PITPNM2: variants seen among roughly 807,000 people sequenced by gnomAD.
PITPNM2 encodes membrane-associated phosphatidylinositol transfer protein 2.
In PITPNM2, 35 loss-of-function variants were observed where a neutral mutation model predicts 132.2. The observed-to-expected ratio is 0.26, with a 90% confidence interval of 0.20 to 0.35. The LOEUF (loss-of-function observed/expected upper bound fraction) is 0.35. Among genes scored for constraint, PITPNM2 ranks in the 10% least tolerant of loss-of-function variants. PITPNM2 has a pLI of 1.00. For missense variants in PITPNM2, 1,332 were observed against 1,912.0 expected, an observed-to-expected ratio of 0.70 and a Z score of 5.66; for synonymous variants, 738 against 799.2, an observed-to-expected ratio of 0.92 and a Z score of 1.29.
chr12:123,045,004 C>T (rs2136576928), intron 2 of PITPNM2, among the ~76,000 whole-genome samples: 1 of 152,276 alleles, frequency 6.6e-6, no homozygotes. Context: ...CAACCCATTG[C>T]ACCAATCCAC....
At chr12:123,020,740 G>A (rs1485210789) in intron 3 of PITPNM2, among the ~76,000 whole-genome samples, 2 of 152,076 alleles carry the variant, frequency 1.3e-5, no homozygotes, top group Admixed American at 6.5e-5. Context: ...AGTGGTCAGT[G>A]GGCGAGGCAC....
At chr12:123,054,750 T>C (rs1164236351) in intron 2 of PITPNM2, among the ~76,000 whole-genome samples, 2 of 152,252 alleles carry the variant, frequency 1.3e-5, no homozygotes, top group African/African-American at 2.4e-5. Context: ...GAGCAAACCC[T>C]TTCCTCCTGA....
intron 2 of PITPNM2, among the ~76,000 whole-genome samples, chr12:123,043,455 C>T (rs901990241): frequency 4.6e-5 from 7 of 152,186 alleles, no homozygotes; most frequent in African/African-American, 1.7e-4. Context: ...CTGGCCTGGG[C>T]AGTGAAGAGG....
At position 122,989,938 on chromosome 12, in the gene PITPNM2, A is replaced by G; in HGVS notation, c.2580T>C (p.Asp860=). 1 of 1,305,276 alleles carries G rather than the reference A, an allele frequency of 7.7e-7. No individual in the cohort carries two copies. The highest frequency in any genetic ancestry group is 9.8e-7 in the Non-Finnish European group (1 of 1,022,538). The allele number at this position is 1,305,276 out of a possible 1,614,324, so 80.9% of individuals were successfully genotyped here. A position where few individuals can be genotyped will look rare whatever the true frequency, so the allele number is the denominator to read the frequency against. ...TGACGCTGGGGGTATGGCTGAGCGC[A>G]TCGGGGGCCTCTGAGAAGCAAGAGC... ...TASSIAQKAP[D]ALSHTPSVRR... is the part of the protein sequence containing the mutation. The change falls in exon 18 of 26, where the codon GAT becomes GAC. Residue 860 remains aspartate (D), a synonymous_variant. Coordinates refer to ENST00000320201, the MANE Select transcript of PITPNM2 (RefSeq NM_020845.3).
intron 3 of PITPNM2, chr12:123,021,706 G>A (rs371748693): frequency 1.0e-6 from 1 of 985,190 alleles, no homozygotes; most frequent in Non-Finnish European, 1.2e-6. Flanking sequence ...TCCAAGAGGG[G>A]CTCCCTCTCA....
chr12:122,989,603 G>A (rs990599315), intron 18 of PITPNM2, among the ~76,000 whole-genome samples, 184 bp downstream of exon 18: 2 of 152,112 alleles, frequency 1.3e-5, no homozygotes, highest in Non-Finnish European at 2.9e-5. Context: ...TGGGGTCCCT[G>A]GTCCCCCACC....
intron 1 of PITPNM2, among the ~76,000 whole-genome samples, chr12:123,144,002 T>G (rs2043560335): frequency 6.6e-6 from 1 of 152,250 alleles, no homozygotes; most frequent in African/African-American, 2.4e-5. Flanking sequence ...TCCATATTTG[T>G]GAATTACCCT....
chr12:123,040,468 G>A (rs966549159), intron 2 of PITPNM2, among the ~76,000 whole-genome samples: 4 of 152,098 alleles, frequency 2.6e-5, no homozygotes, highest in African/African-American at 9.7e-5. Flanking sequence ...ATGAGTATAT[G>A]TATGGTATGT....
chr12:123,045,917 T>C (rs1592970418), intron 2 of PITPNM2, among the ~76,000 whole-genome samples: 2 of 152,100 alleles, frequency 1.3e-5, no homozygotes, highest in African/African-American at 2.4e-5. Flanking sequence ...GCAATAGCTA[T>C]GGCTGAGTGG....
intron 16 of PITPNM2, 23 bp from the exon 17 acceptor site, chr12:122,990,732 G>A: frequency 6.3e-7 from 1 of 1,583,176 alleles, no homozygotes. Context: ...AGGGACCAGA[G>A]GCCAGGTAAG....
rs1055774519 is a variant in PITPNM2 at position 123,005,737 on chromosome 12, G to A, written c.644-189C>T. 3.3e-6 allele frequency: 2 copies of A among 606,718 alleles called. No homozygotes were observed. Among genetic ancestry groups the A allele is most frequent in the South Asian group, 4.1e-5 (2 of 48,526 alleles). 37.6% of individuals were successfully genotyped at this position (606,718 alleles called of 1,614,324 possible). On this transcript the variant is annotated intron_variant, in intron 6 of 25. Coordinates refer to ENST00000320201, the MANE Select transcript of PITPNM2 (RefSeq NM_020845.3). This position sits in a 1 kb window ranked among gnomAD's most constrained non-coding sequence, Gnocchi z 6.2. Reference sequence around the variant, plus strand: ...AAATAAGGGGACTGGCTCACAGATAGTCTCACAAGCTCATAGTGGTTCTAT... The same window carrying A: ...AAATAAGGGGACTGGCTCACAGATAATCTCACAAGCTCATAGTGGTTCTAT...
At chr12:123,052,571 A>T (rs1014521010) in intron 2 of PITPNM2, among the ~76,000 whole-genome samples, 5 of 152,210 alleles carry the variant, frequency 3.3e-5, no homozygotes, top group African/African-American at 1.2e-4. Flanking sequence ...ATGAGCCATG[A>T]TCACACAACT....
chr12:123,147,685 A>C (rs1040806236), intron 1 of PITPNM2, among the ~76,000 whole-genome samples: 1 of 152,210 alleles, frequency 6.6e-6, no homozygotes, highest in African/African-American at 2.4e-5. Context: ...GCCAAGGAGA[A>C]GAGGAGAAAC....
Position 122,985,273 on chromosome 12 carries a change from T to G in PITPNM2, c.*754A>C, listed in dbSNP as rs1009143996. 6.6e-6 allele frequency: 1 copy of G among 152,450 alleles called. No homozygotes were observed. The highest frequency in any genetic ancestry group is 1.5e-5 in the Non-Finnish European group (1 of 68,052). 9.4% of individuals were successfully genotyped at this position (152,450 alleles called of 1,614,324 possible). A position where few individuals can be genotyped will look rare whatever the true frequency, so the allele number is the denominator to read the frequency against. On this transcript the variant is annotated 3_prime_UTR_variant, in exon 26 of 26. Coordinates refer to ENST00000320201, the MANE Select transcript of PITPNM2 (RefSeq NM_020845.3). ...GGCGTAGAAACGTGGGCGGGCGGCC[T>G]TGACTGATGGCAGGGAGCGGAAGAG...
chr12:123,037,861 C>A (rs909465809), intron 2 of PITPNM2, among the ~76,000 whole-genome samples: 3 of 152,252 alleles, frequency 2.0e-5, no homozygotes, highest in Non-Finnish European at 4.4e-5. Context: ...TTCAAAGGCT[C>A]TGTGAGCACA....
At chr12:123,104,950 G>A (rs1324847083) in intron 2 of PITPNM2, among the ~76,000 whole-genome samples, 1 of 152,056 alleles carries the variant, frequency 6.6e-6, no homozygotes, top group Non-Finnish European at 1.5e-5. Context: ...GAAGCTTCAG[G>A]TCACTCAGAG....
chr12:123,069,245 T>G (rs796951293), intron 2 of PITPNM2, among the ~76,000 whole-genome samples: 50 of 147,660 alleles, frequency 3.4e-4, no homozygotes, highest in African/African-American at 1.2e-3. Context: ...AGACCTACTC[T>G]CTAAAAAAAA....
At chr12:123,018,293 C>CTTTTTTTTTTTTTTTTTTT (rs3085478) in intron 3 of PITPNM2, among the ~76,000 whole-genome samples, 2 of 126,322 alleles carry the variant, frequency 1.6e-5, no homozygotes, top group African/African-American at 6.2e-5. Context: ...TTTTTCTTTT[C>CTTTTTTTTTTTTTTTTTTT]TTTTTTTTTT....
intron 9 of PITPNM2, 45 bp downstream of exon 9, chr12:123,001,009 G>A (rs2038642751): frequency 1.3e-5 from 20 of 1,583,000 alleles, no homozygotes; most frequent in Non-Finnish European, 1.6e-5. Flanking sequence ...CTGAAGCCCT[G>A]CAACCGCCCT....
Sources: gnomAD v4.1 joint callset for allele counts (sites outside exome capture counted in the v4.1 genomes callset) on GRCh38, gnomAD v4.1.1 for gene constraint, Gnocchi (gnomAD v3.1) non-coding constraint, MANE v1.5 for transcripts, NCBI Gene and HGNC (gene_info 2026-07-23, HGNC 2026-07-21) for gene names.